ADIPOR2: variants seen among roughly 807,000 people sequenced by gnomAD.
ADIPOR2 encodes adiponectin receptor protein 2.
In ADIPOR2, 18 loss-of-function variants were observed where a neutral mutation model predicts 40.9. The observed-to-expected ratio is 0.44, with a 90% CI of 0.30 to 0.65. The LOEUF (loss-of-function observed/expected upper bound fraction) is 0.65, where lower values mean the gene tolerates loss of function less well. ADIPOR2 is among the 30% of genes least tolerant of loss of function. The pLI, the probability that ADIPOR2 is intolerant of heterozygous loss-of-function variation, is 0.09. For missense variants in ADIPOR2, 283 were observed against 479.2 expected, an observed-to-expected ratio of 0.59 and a Z score of 3.82; for synonymous variants, 165 against 166.4, an observed-to-expected ratio of 0.99 and a Z score of 0.06.
intron 1 of ADIPOR2, among the ~76,000 whole-genome samples, chr12:1,744,432 G>A (rs989083521): frequency 2.0e-4 from 30 of 150,132 alleles, no homozygotes; most frequent in African/African-American, 6.9e-4. Context: ...TTCTGAGACA[G>A]AGTCTTTGGC....
chr12:1,727,130 T>C (rs2154442372), intron 1 of ADIPOR2, among the ~76,000 whole-genome samples: 1 of 152,354 alleles, frequency 6.6e-6, no homozygotes, highest in Non-Finnish European at 1.5e-5. Flanking sequence ...CATTGGTTAA[T>C]GTCCAGCTCA....
chr12:1,736,231 T>A (rs1462518390), intron 1 of ADIPOR2, among the ~76,000 whole-genome samples: 6 of 152,176 alleles, frequency 3.9e-5, no homozygotes, highest in Non-Finnish European at 8.8e-5. Context: ...TCCTGGACTT[T>A]TTTTGGTTGG....
chr12:1,715,835 T>G (rs1341400718), intron 1 of ADIPOR2, among the ~76,000 whole-genome samples: 2 of 152,116 alleles, frequency 1.3e-5, no homozygotes, highest in East Asian at 3.8e-4. Context: ...GCTAGAGGTT[T>G]GTAAAATGGA....
intron 1 of ADIPOR2, chr12:1,695,788 T>G (rs995612865): frequency 6.6e-6 from 1 of 152,148 alleles, no homozygotes; most frequent in Non-Finnish European, 1.5e-5. Flanking sequence ...AATTTTCAGA[T>G]TAATGACAAT....
At chr12:1,742,167 C>CT (rs1199624029) in intron 1 of ADIPOR2, among the ~76,000 whole-genome samples, 1 of 152,184 alleles carries the variant, frequency 6.6e-6, no homozygotes, top group African/African-American at 2.4e-5. Flanking sequence ...ATCACAGCTG[C>CT]TTGCAGCTTT....
intron 1 of ADIPOR2, among the ~76,000 whole-genome samples, chr12:1,724,491 A>G (rs1464974526): frequency 2.0e-5 from 3 of 152,192 alleles, no homozygotes; most frequent in African/African-American, 7.2e-5. Flanking sequence ...GTTGAGGAGA[A>G]GAGGGAATGG....
chr12:1,783,850 A>G lies in ADIPOR2; in HGVS notation c.839-30A>G, dbSNP rs189344034. The G allele has an allele frequency of 1.9e-4, 283 of 1,515,100 alleles. 1 individual carries two copies. The African/African-American group carries it at 3.4e-3, about 18-fold the overall frequency. 93.9% of individuals were successfully genotyped at this position (1,515,100 alleles called of 1,614,324 possible). A position where few individuals can be genotyped will look rare whatever the true frequency, so the allele number is the denominator to read the frequency against. On this transcript the variant is annotated intron_variant, in intron 6 of 7. Transcript: ENST00000357103. Reference sequence around the variant, plus strand: ...TTCTGGCTCTTTGTTTCTCTTCTGCATTACTTTACTCTCTTCTTGTGACTC... The same window carrying G: ...TTCTGGCTCTTTGTTTCTCTTCTGCGTTACTTTACTCTCTTCTTGTGACTC...
intron 1 of ADIPOR2, among the ~76,000 whole-genome samples, chr12:1,739,767 A>G (rs901948862): frequency 3.9e-5 from 6 of 152,222 alleles, no homozygotes; most frequent in African/African-American, 9.6e-5. Flanking sequence ...TATGACCTCA[A>G]TCACACATGC....
rs548839495 is a variant in ADIPOR2, at chr12:1,780,756, A to T, written c.650+119A>T. The stretch of plus-strand genomic sequence containing the variant: ...ATCTCATGCAAACTTTTTTTTTTTT[A>T]AAAATTAAAGAGCAACCCAGTTTGG... On this transcript the variant is annotated intron_variant, in intron 5 of 7. Coordinates refer to ENST00000357103, the MANE Select transcript of ADIPOR2 (RefSeq NM_024551.3). 10 of 1,381,382 alleles carry T rather than the reference A, an allele frequency of 7.2e-6. No homozygotes were observed. The African/African-American group carries it at 1.5e-4, about 21-fold the overall frequency. The allele number at this position is 1,381,382 out of a possible 1,614,324, so 85.6% of individuals were successfully genotyped here.
chr12:1,699,792 A>T (rs980218378), intron 1 of ADIPOR2, among the ~76,000 whole-genome samples: 7 of 152,362 alleles, frequency 4.6e-5, no homozygotes, highest in Middle Eastern at 3.4e-3. Context: ...TTATAAGTAC[A>T]TTTGGTATTT....
In ADIPOR2 at chr12:1,777,856, A is replaced by G. The variant is rs747640804; in HGVS notation, c.294A>G (p.Val98=). Residue 98 remains valine, a splice_region_variant and synonymous_variant, in exon 4 of 8, where the codon GTA becomes GTG. Transcript: ENST00000357103. The part of the protein sequence containing the change: ...MEKMEEFVCK[V]WEGRWRVIPH... ...GTTTGATAATACCTCTCTGCCAGGT[A>G]TGGGAAGGTCGGTGGCGAGTGATCC... 6.2e-6 allele frequency: 10 copies of G among 1,610,202 alleles called. No individual in the cohort carries two copies. The highest frequency in any genetic ancestry group is 7.6e-6 in the Non-Finnish European group (9 of 1,178,424).
At chr12:1,751,180 A>G (rs989522001) in intron 1 of ADIPOR2, among the ~76,000 whole-genome samples, 1 of 152,210 alleles carries the variant, frequency 6.6e-6, no homozygotes, top group African/African-American at 2.4e-5. Context: ...CTGAAGGTTG[A>G]CATAAATACT....
chr12:1,780,438 C>T lies in ADIPOR2; in HGVS notation c.464-13C>T, dbSNP rs1390086593. On this transcript the variant is annotated splice_polypyrimidine_tract_variant and intron_variant, in intron 4 of 7. Transcript: ENST00000357103. ...GGTGATATTTTATCTATTTTCTGTG[C>T]TCTTTTTCCTAGGTTGTGTATTCTT... 6.3e-7 allele frequency: 1 copy of T among 1,581,622 alleles called. No homozygotes were observed. The highest frequency in any genetic ancestry group is 8.6e-7 in the Non-Finnish European group (1 of 1,167,056).
intron 3 of ADIPOR2, among the ~76,000 whole-genome samples, chr12:1,776,162 G>C (rs1862589690): frequency 1.3e-5 from 2 of 152,132 alleles, no homozygotes; most frequent in African/African-American, 2.4e-5. Context: ...TAAATTGTTA[G>C]TCCTCACTTC....
chr12:1,758,157 T>C lies in ADIPOR2; in HGVS notation c.171+3643T>C, dbSNP rs752958664. 2.1e-5 allele frequency: 9 copies of C among 433,164 alleles called. No homozygotes were observed. The South Asian group carries it at 3.9e-4, about 19-fold the overall frequency. The allele number at this position is 433,164 out of a possible 1,614,324, so 26.8% of individuals were successfully genotyped here. On this transcript the variant is annotated intron_variant, in intron 2 of 7. Coordinates refer to ENST00000357103, the MANE Select transcript of ADIPOR2 (RefSeq NM_024551.3). The stretch of plus-strand genomic sequence containing the variant: ...TGTTTCCTGTCTTCACTGGTTGAAG[T>C]GGTATCTTCTGTAAATAATATTTGT...
intron 1 of ADIPOR2, among the ~76,000 whole-genome samples, chr12:1,709,241 G>T (rs1303739847): frequency 1.3e-5 from 2 of 152,088 alleles, no homozygotes; most frequent in Non-Finnish European, 2.9e-5. Flanking sequence ...CCTTGAAAAT[G>T]GTGTATCTTA....
intron 4 of ADIPOR2, 77 bp downstream of exon 4, chr12:1,778,102 C>T: frequency 7.0e-7 from 1 of 1,436,166 alleles, no homozygotes; most frequent in Admixed American, 2.5e-5. Flanking sequence ...AGGGTAAGCA[C>T]AGAACTTCAG....
At chr12:1,763,818 A>C (rs920695376) in intron 2 of ADIPOR2, among the ~76,000 whole-genome samples, 1 of 152,104 alleles carries the variant, frequency 6.6e-6, no homozygotes, top group African/African-American at 2.4e-5. Context: ...ATCTCTGCAA[A>C]GAATACAAAA....
At chr12:1,695,451 C>T (rs1316525584) in intron 1 of ADIPOR2, among the ~76,000 whole-genome samples, 4 of 151,420 alleles carry the variant, frequency 2.6e-5, no homozygotes, top group Non-Finnish European at 4.4e-5. Context: ...GTCAGGAGTT[C>T]GGGACCAGCC....
Sources: gnomAD v4.1 joint callset for allele counts (sites outside exome capture counted in the v4.1 genomes callset) on GRCh38, gnomAD v4.1.1 for gene constraint, MANE v1.5 for transcripts, NCBI Gene and HGNC (gene_info 2026-07-23, HGNC 2026-07-21) for gene names.